The following EMG1 variants were observed in gnomAD, a reference collection of about 807,000 sequenced individuals.
EMG1 encodes the protein EMG1 N1-specific pseudouridine methyltransferase.
In EMG1, 24 loss-of-function variants were observed where a neutral mutation model predicts 26.9. The ratio of observed to expected loss-of-function variants is 0.89; its 90% CI spans 0.65 to 1.26. EMG1 has a LOEUF of 1.26. EMG1 is among the 50% of genes most tolerant of loss of function. The pLI, the probability that EMG1 is intolerant of heterozygous loss-of-function variation, is 0.00. For missense variants in EMG1, 299 were observed against 307.6 expected, an observed-to-expected ratio of 0.97 and a Z score of 0.21; for synonymous variants, 140 against 112.6, an observed-to-expected ratio of 1.24 and a Z score of -1.54.
rs1555154973 is a variant in EMG1 at position 6,987,867 on chromosome 12, C to G, written c.*211+29C>G. 2 of 400,540 alleles carry G rather than the reference C, an allele frequency of 5.0e-6. No individual in the cohort carries two copies. Among genetic ancestry groups the G allele is most frequent in the African/African-American group, 4.1e-5 (2 of 48,666 alleles). 24.8% of individuals were successfully genotyped at this position (400,540 alleles called of 1,614,324 possible). On this transcript the variant is annotated intron_variant and NMD_transcript_variant, in intron 7 of 7. Coordinates refer to the EMG1 transcript ENST00000261406. The surrounding 1 kb of genome is among the most constrained non-coding windows in gnomAD (Gnocchi z 4.1). The stretch of plus-strand genomic sequence containing the variant: ...TGTGAAATTGTCTGCCTGACTCTAA[C>G]AAGGCCTACACTGTCCTGAGTTCTG...
intron 5 of EMG1, 154 bp downstream of exon 5, chr12:6,975,532 C>A: frequency 2.0e-6 from 2 of 1,002,972 alleles, no homozygotes; most frequent in Non-Finnish European, 3.0e-6. Flanking sequence ...AGGGCTGCTG[C>A]CATAATTGGA....
chr12:6,996,620 G>C (rs1555156046), intron 7 of EMG1, among the ~76,000 whole-genome samples: 1 of 152,222 alleles, frequency 6.6e-6, no homozygotes, highest in African/African-American at 2.4e-5. Context: ...ACTCTAGGCA[G>C]TCAATACAAT....
intron 6 of EMG1, among the ~76,000 whole-genome samples, chr12:6,985,187 C>T (rs879959673): frequency 4.7e-5 from 7 of 149,174 alleles, no homozygotes; most frequent in Non-Finnish European, 1.0e-4. Flanking sequence ...GACAGGAGAT[C>T]GAGACTATCC....
At chr12:6,973,448 G>A (rs897908087) in intron 1 of EMG1, among the ~76,000 whole-genome samples, 32 of 152,096 alleles carry the variant, frequency 2.1e-4, no homozygotes, top group Non-Finnish European at 4.0e-4. Context: ...GATTACAGCC[G>A]TGAGCCACTG....
chr12:6,974,799 A>G (rs1946373683), intron 3 of EMG1, 106 bp downstream of exon 3: 2 of 1,205,126 alleles, frequency 1.7e-6, no homozygotes, highest in South Asian at 2.6e-5. Flanking sequence ...AAAATGGGAG[A>G]ACAACATGAT....
At chr12:6,971,137 G>C (rs1555152200) in intron 1 of EMG1, 46 bp downstream of exon 1, 3 of 1,524,404 alleles carry the variant, frequency 2.0e-6, no homozygotes, top group Non-Finnish European at 2.7e-6. Flanking sequence ...GATAGGTTGG[G>C]ACTCCGTGGA....
At position 6,974,622 on chromosome 12, in the gene EMG1, AGAATGTTCTGATTGAAGT is replaced by A. The variant is rs1555152812; in HGVS notation, c.346_363del (p.Val116_Asn121del). On this transcript the variant is annotated inframe_deletion, in exon 3 of 6. Transcript: ENST00000599672. ...CTACAGGTTTATATCCATACACAGA[AGAATGTTCTGATTGAAGT>A]GAATCCCCAGACCCGAATTCCCAGA... 1 of 1,614,060 alleles carries A rather than the reference AGAATGTTCTGATTGAAGT, an allele frequency of 6.2e-7. No individual in the cohort carries two copies. The highest frequency in any genetic ancestry group is 8.5e-7 in the Non-Finnish European group (1 of 1,179,900).
downstream of EMG1, chr12:6,981,255 C>T: frequency 6.5e-6 from 8 of 1,235,928 alleles, no homozygotes; most frequent in Non-Finnish European, 9.1e-6. Flanking sequence ...GAGTGTTCCC[C>T]ACCTGTGTGC....
rs782316629 is a variant in EMG1, at chr12:6,979,512, G to C, written c.*3703G>C. ...AGGAGATAGTCTTCTGTGATGTGGG[G>C]GCTGAGCAGTGTGTAGCCCACTAGG... On this transcript the variant is annotated 3_prime_UTR_variant, in exon 6 of 6. Coordinates refer to ENST00000599672, the MANE Select transcript of EMG1 (RefSeq NM_006331.8). The C allele has an allele frequency of 2.5e-6, 4 of 1,614,068 alleles. No individual in the cohort carries two copies. The highest frequency in any genetic ancestry group is 3.4e-6 in the Non-Finnish European group (4 of 1,179,934).
chr12:6,985,101 A>G (rs1591548556), intron 6 of EMG1, among the ~76,000 whole-genome samples: 1 of 151,630 alleles, frequency 6.6e-6, no homozygotes, highest in Non-Finnish European at 1.5e-5. Context: ...AAAAAAAAAA[A>G]AAAAAAAAGG....
At chr12:6,984,525 A>G (rs1272685622), downstream of EMG1, among the ~76,000 whole-genome samples, 1 of 152,166 alleles carries the variant, frequency 6.6e-6, no homozygotes, top group African/African-American at 2.4e-5. Context: ...CATTCTGCCT[A>G]TTCTTTCATT....
At position 6,978,245 on chromosome 12, in the gene EMG1, A is replaced by G; in HGVS notation, c.*2436A>G. The G allele has an allele frequency of 7.1e-7, 1 of 1,412,946 alleles. No homozygotes were observed. Among genetic ancestry groups the G allele is most frequent in the South Asian group, 1.4e-5 (1 of 72,246 alleles). 87.5% of individuals were successfully genotyped at this position (1,412,946 alleles called of 1,614,324 possible). On this transcript the variant is annotated 3_prime_UTR_variant, in exon 6 of 6. Coordinates refer to ENST00000599672, the MANE Select transcript of EMG1 (RefSeq NM_006331.8). ...ACAGGGGGTTCTGCCCAGATGGGAA[A>G]GACGCATAGGGGTGACATGGTACAC...
rs1946394034 is a variant in EMG1, at chr12:6,975,937, C to T, written c.*128C>T. ...GGAGTTTGGGGAAGCCAAGGCTGTA[C>T]ATTTGCTATTTGTTTATCCTATGAA... On this transcript the variant is annotated 3_prime_UTR_variant, in exon 6 of 6. Coordinates refer to ENST00000599672, the MANE Select transcript of EMG1 (RefSeq NM_006331.8). 2.3e-5 allele frequency: 15 copies of T among 655,832 alleles called. No homozygotes were observed. The South Asian group carries it at 2.7e-4, about 12-fold the overall frequency. The allele number at this position is 655,832 out of a possible 1,614,324, so 40.6% of individuals were successfully genotyped here.
intron 1 of EMG1, among the ~76,000 whole-genome samples, chr12:6,971,838 A>T (rs782072976): frequency 8.5e-5 from 13 of 152,160 alleles, no homozygotes; most frequent in Non-Finnish European, 1.8e-4. Context: ...TCCACCTATG[A>T]TACACTGTCC....
downstream of EMG1, chr12:6,980,699 A>C (rs1432771766): frequency 5.2e-6 from 1 of 193,714 alleles, no homozygotes; most frequent in Non-Finnish European, 1.0e-5. Context: ...CTACCTATCA[A>C]TCATAAATAT....
At position 6,971,032 on chromosome 12, in the gene EMG1, A is replaced by G. The variant is rs952438354; in HGVS notation, c.109A>G (p.Lys37Glu). Residue 37 changes from lysine to glutamate, a missense_variant, in exon 1 of 6, where the codon AAG (lysine) becomes GAG (glutamate). Physicochemically the swap from Lys to Glu is moderately conservative, Grantham distance 56. Transcript: ENST00000599672. Reference protein sequence around the residue: ...PKRPRLGAGNKIGGRRLIVVL... With the variant: ...PKRPRLGAGNEIGGRRLIVVL... Reference sequence around the variant, plus strand: ...GCGGCCCCGACTAGGGGCAGGAAACAAGATCGGAGGCCGTAGGCTTATTGT... The same window carrying G: ...GCGGCCCCGACTAGGGGCAGGAAACGAGATCGGAGGCCGTAGGCTTATTGT... 1 of 1,611,932 alleles carries G rather than the reference A, an allele frequency of 6.2e-7. No individual in the cohort carries two copies. The highest frequency in any genetic ancestry group is 8.5e-7 in the Non-Finnish European group (1 of 1,178,984).
In EMG1 at chr12:6,977,117, T is replaced by G. The variant is rs782288020; in HGVS notation, c.*1308T>G. The G allele has an allele frequency of 7.0e-7, 1 of 1,426,246 alleles. No individual in the cohort carries two copies. The highest frequency in any genetic ancestry group is 1.4e-5 in the African/African-American group (1 of 71,034). 88.3% of individuals were successfully genotyped at this position (1,426,246 alleles called of 1,614,324 possible). On this transcript the variant is annotated 3_prime_UTR_variant, in exon 6 of 6. Transcript: ENST00000599672. This position sits in a 1 kb window ranked among gnomAD's most constrained non-coding sequence, Gnocchi z 4.5. ...CTGTAACCTGGTGGTAGTTTTAGTTTAGCTGTATTAACTTACCAGGGAAAT... is the reference window on the plus strand; with the variant it reads ...CTGTAACCTGGTGGTAGTTTTAGTTGAGCTGTATTAACTTACCAGGGAAAT...
chr12:6,973,250 C>T (rs879970817), intron 1 of EMG1, among the ~76,000 whole-genome samples: 11 of 152,106 alleles, frequency 7.2e-5, no homozygotes, highest in African/African-American at 2.7e-4. Context: ...TCACTGCAAT[C>T]TCTGTCTCCT....
chr12:6,995,522 C>T (rs1239989793), intron 7 of EMG1, among the ~76,000 whole-genome samples: 1 of 151,870 alleles, frequency 6.6e-6, no homozygotes, highest in Non-Finnish European at 1.5e-5. Flanking sequence ...TCTCTGTTAT[C>T]TAGTCATGAA....
Sources: gnomAD v4.1 joint callset for allele counts (sites outside exome capture counted in the v4.1 genomes callset) on GRCh38, gnomAD v4.1.1 for gene constraint, Gnocchi (gnomAD v3.1) non-coding constraint, MANE v1.5 for transcripts, NCBI Gene and HGNC (gene_info 2026-07-23, HGNC 2026-07-21) for gene names.